ACAP2: variants seen among roughly 807,000 people sequenced by gnomAD.
The protein encoded by ACAP2 is arf-GAP with coiled-coil, ANK repeat and PH domain-containing protein 2.
A neutral mutation model predicts 115.8 loss-of-function variants in ACAP2; 39 were observed. The observed-to-expected ratio is 0.34, with a 90% CI of 0.26 to 0.44. The LOEUF (loss-of-function observed/expected upper bound fraction) is 0.44. Ranked by LOEUF, ACAP2 falls within the 20% of genes least tolerant of loss-of-function variation. The pLI, the probability that ACAP2 is intolerant of heterozygous loss-of-function variation, is 1.00. For missense variants in ACAP2, 662 were observed against 927.6 expected (o/e 0.71, Z 3.72); for synonymous variants, 289 against 315.8 (o/e 0.92, Z 0.90).
At chr3:195,338,621 A>C (rs1730668877) in intron 6 of ACAP2, among the ~76,000 whole-genome samples, 1 of 152,214 alleles carries the variant, frequency 6.6e-6, no homozygotes, top group Non-Finnish European at 1.5e-5. Context: ...GCACCCGGCC[A>C]GATTTTAAGT....
intron 4 of ACAP2, among the ~76,000 whole-genome samples, chr3:195,371,286 C>A (rs1004187014): frequency 6.6e-6 from 1 of 152,130 alleles, no homozygotes; most frequent in Admixed American, 6.6e-5. Context: ...CCTTGGTTAG[C>A]TGTATTCCTA....
intron 22 of ACAP2, among the ~76,000 whole-genome samples, chr3:195,280,369 G>A (rs1726417105): frequency 6.6e-6 from 1 of 152,168 alleles, no homozygotes; most frequent in Non-Finnish European, 1.5e-5. Context: ...CTACTCGGGA[G>A]GCTGAGGCAG....
chr3:195,295,960 AT>A, intron 16 of ACAP2, 68 bp from the exon 17 acceptor site: 1 of 1,305,694 alleles, frequency 7.7e-7, no homozygotes, highest in Non-Finnish European at 1.1e-6. Flanking sequence ...ACAACAAGCC[AT>A]TATATACTGA....
chr3:195,392,885 T>A (rs1341873509), intron 1 of ACAP2, among the ~76,000 whole-genome samples: 3 of 152,232 alleles, frequency 2.0e-5, no homozygotes, highest in Admixed American at 6.5e-5. Context: ...CAAAATGTAA[T>A]TCATCTACTT....
intron 13 of ACAP2, 73 bp from the exon 14 acceptor site, chr3:195,302,247 C>A: frequency 7.6e-7 from 1 of 1,320,288 alleles, no homozygotes; most frequent in South Asian, 1.4e-5. Flanking sequence ...CTACATGCTC[C>A]AAACTAAAGC....
At chr3:195,391,820 CCT>C (rs1734698653) in intron 2 of ACAP2, among the ~76,000 whole-genome samples, 2 of 151,892 alleles carry the variant, frequency 1.3e-5, no homozygotes, top group Admixed American at 1.3e-4. Flanking sequence ...CATGGGAAAC[CCT>C]GTCTCTACTA....
In ACAP2 at chr3:195,431,830, G is replaced by A. The variant is rs115501777; in HGVS notation, c.53+10965C>T. On this transcript the variant is annotated intron_variant, in intron 1 of 22. Transcript: ENST00000326793. ...TTACATTCCCACTGGCAGTGCATGA[G>A]GGTTCTAACAGCTCCACATTCTTCC... 8.5e-3 allele frequency among the ~76,000 whole-genome samples: 1,288 copies of A among 152,120 alleles called. 15 individuals are homozygous for A. The highest frequency in any genetic ancestry group is 0.027 in the African/African-American group (1,133 of 41,484).
chr3:195,438,943 C>G (rs767636786), intron 1 of ACAP2, among the ~76,000 whole-genome samples: 38 of 152,098 alleles, frequency 2.5e-4, no homozygotes, highest in Non-Finnish European at 5.0e-4. Flanking sequence ...CGCCTATAAT[C>G]CCAGTTACTC....
intron 8 of ACAP2, among the ~76,000 whole-genome samples, chr3:195,328,860 A>G (rs1458416828): frequency 6.6e-6 from 1 of 152,226 alleles, no homozygotes; most frequent in Non-Finnish European, 1.5e-5. Flanking sequence ...TGGGCGAATC[A>G]CAAGGTCAGT....
intron 15 of ACAP2, among the ~76,000 whole-genome samples, chr3:195,300,027 CTTTTTTCTTTTTTTTTCTTTT>C (rs1727929270): frequency 8.2e-6 from 1 of 121,446 alleles, no homozygotes; most frequent in South Asian, 2.8e-4. Flanking sequence ...TTCCGTCTTT[CTTTTTTCTTTTTTTTTCTTTT>C]TTTTTTTTTT....
At chr3:195,387,103 C>G (rs1421268015) in intron 2 of ACAP2, among the ~76,000 whole-genome samples, 1 of 152,098 alleles carries the variant, frequency 6.6e-6, no homozygotes, top group East Asian at 1.9e-4. Flanking sequence ...GAAGGACGGA[C>G]TTGGCAATGA....
chr3:195,363,856 T>C (rs536179309), intron 4 of ACAP2, among the ~76,000 whole-genome samples: 7 of 152,226 alleles, frequency 4.6e-5, no homozygotes, highest in Admixed American at 3.9e-4. Flanking sequence ...GCCAAGAACA[T>C]GCAACAGGGA....
rs142284459 is a variant in ACAP2, at chr3:195,328,117, T to C, written c.670-1158A>G. ...CAATAATTGGGTTATACATTATTAA[T>C]TATGTGGGTTTCATTGTCTAGACTA... On this transcript the variant is annotated intron_variant, in intron 8 of 22. Coordinates refer to ENST00000326793, the MANE Select transcript of ACAP2 (RefSeq NM_012287.6). Among the ~76,000 whole-genome samples the C allele has an allele frequency of 4.1e-4, 62 of 152,228 alleles. No homozygotes were observed. The East Asian group carries it at 0.012, about 29-fold the overall frequency.
At chr3:195,339,088 A>T (rs987429649) in intron 6 of ACAP2, among the ~76,000 whole-genome samples, 1 of 152,034 alleles carries the variant, frequency 6.6e-6, no homozygotes, top group African/African-American at 2.4e-5. Context: ...AAAATTAGCC[A>T]GGCATGGTGG....
intron 1 of ACAP2, among the ~76,000 whole-genome samples, chr3:195,419,128 T>C (rs750058364): frequency 1.1e-4 from 16 of 152,294 alleles, no homozygotes; most frequent in Non-Finnish European, 1.6e-4. Context: ...TACAATTCAA[T>C]AGTTTTTAAT....
intron 12 of ACAP2, 103 bp downstream of exon 12, chr3:195,307,120 T>C (rs1728475440): frequency 1.2e-5 from 10 of 843,620 alleles, no homozygotes; most frequent in Non-Finnish European, 1.9e-5. Flanking sequence ...TTTTTCTCTT[T>C]AGCACAGATA....
chr3:195,285,327 A>AT (rs36067830), intron 22 of ACAP2: 2,760 of 150,676 alleles, frequency 0.018, 40 homozygotes, highest in Middle Eastern at 0.024. Context: ...ACACATGGTG[A>AT]TTTTTTTTTT....
intron 18 of ACAP2, 111 bp downstream of exon 18, chr3:195,294,608 A>G (rs1402826678): frequency 1.2e-5 from 1 of 84,262 alleles, no homozygotes; most frequent in African/African-American, 5.6e-5. Flanking sequence ...AAAAAAAAAA[A>G]TTATATATAT....
intron 13 of ACAP2, among the ~76,000 whole-genome samples, chr3:195,305,157 T>C (rs1304718491): frequency 6.6e-6 from 1 of 152,172 alleles, no homozygotes; most frequent in African/African-American, 2.4e-5. Flanking sequence ...TCTTGGAAAT[T>C]AAGTATGTGC....
Sources: allele counts gnomAD v4.1 joint callset (sites outside exome capture counted in the v4.1 genomes callset), GRCh38; gene constraint gnomAD v4.1.1; transcripts MANE v1.5; gene names NCBI Gene and HGNC (gene_info 2026-07-23, HGNC 2026-07-21).